SRRT: variants seen among roughly 807,000 people sequenced by gnomAD.
The protein encoded by SRRT is serrate RNA effector molecule homolog.
Under a neutral mutation model 103.2 loss-of-function variants are expected in SRRT, and 32 were observed. The ratio of observed to expected loss-of-function variants is 0.31; its 90% CI spans 0.23 to 0.42. The LOEUF is 0.42. SRRT is among the 10% of genes least tolerant of loss of function. The pLI, the probability that SRRT is intolerant of heterozygous loss-of-function variation, is 1.00. For synonymous variants in SRRT, 525 were observed against 449.0 expected (o/e 1.17, Z -2.14); for missense variants, 986 against 1,207.5 (o/e 0.82, Z 2.72).
intron 18 of SRRT, 26 bp downstream of exon 18, chr7:100,888,169 G>A (rs886687593): frequency 6.2e-7 from 1 of 1,603,288 alleles, no homozygotes; most frequent in Non-Finnish European, 8.5e-7. Context: ...AGATGAAGGG[G>A]CTTGGTGAGT....
In SRRT at chr7:100,884,985, A is replaced by G. The variant is rs1430999324; in HGVS notation, c.1104A>G (p.Ser368=). 6 of 1,614,002 alleles carry G rather than the reference A, an allele frequency of 3.7e-6. No individual in the cohort carries two copies. The highest frequency in any genetic ancestry group is 1.1e-5 in the South Asian group (1 of 91,090). The change falls in exon 9 of 20, where the codon TCA becomes TCG. Residue 368 remains serine, a synonymous_variant. Transcript: ENST00000611405. The stretch of plus-strand genomic sequence containing the variant: ...ACAGCTTTGACGAGGGCAGCGTGTC[A>G]GAGTCTGAGTCGGAGTCAGAGAGCG... ...GDDSFDEGSV[S]ESESESESGQ... is the part of the protein sequence containing the mutation.
chr7:100,876,963 C>T (rs1018001981), intron 2 of SRRT, among the ~76,000 whole-genome samples: 1 of 152,078 alleles, frequency 6.6e-6, no homozygotes, highest in Non-Finnish European at 1.5e-5. Flanking sequence ...GGTTAGAGTC[C>T]TGTTTCTCAG....
intron 2 of SRRT, among the ~76,000 whole-genome samples, chr7:100,877,186 G>A (rs1367591873): frequency 6.6e-6 from 1 of 151,484 alleles, no homozygotes; most frequent in Non-Finnish European, 1.5e-5. Flanking sequence ...ACTTTGGGAG[G>A]CCGAGACGGG....
Position 100,884,154 on chromosome 7 carries a change from C to G in SRRT, c.672C>G (p.Phe224Leu), listed in dbSNP as rs1335360205. 6.2e-7 allele frequency: 1 copy of G among 1,613,772 alleles called. No individual in the cohort carries two copies. The highest frequency in any genetic ancestry group is 1.3e-5 in the African/African-American group (1 of 74,936). Residue 224 changes from phenylalanine (F) to leucine (L), a missense_variant, in exon 6 of 20, where the codon TTC (phenylalanine) becomes TTG (leucine). Phe to Leu is a conservative substitution (Grantham distance 22). Around this residue, in one of 6 missense-constraint regions of SRRT, gnomAD observed 274 missense variants for 358.5 expected, o/e 0.76. Transcript: ENST00000611405. ...CCCTGCAAAACCGACTGAGGGTCTT[C>G]CTGTCCCTCATGGAGACTGGCTGGT... Reference protein sequence around the residue: ...RGALQNRLRVFLSLMETGWFD... With the variant: ...RGALQNRLRVLLSLMETGWFD...
Position 100,887,954 on chromosome 7 carries a change from C to T in SRRT, c.2327-88C>T, listed in dbSNP as rs1157593388. The T allele has an allele frequency of 2.6e-6, 4 of 1,538,582 alleles. No individual in the cohort carries two copies. The highest frequency in any genetic ancestry group is 3.5e-6 in the Non-Finnish European group (4 of 1,141,006). ...AACGTGTCACCCCGAGAAGTTTCTG[C>T]CCCATCCTCAGGCCATAGCCCTAGA... is the stretch of plus-strand genomic sequence containing the variant. On this transcript the variant is annotated intron_variant, in intron 17 of 19. Coordinates refer to ENST00000611405, the MANE Select transcript of SRRT (RefSeq NM_015908.6). The surrounding 1 kb of genome is among the most constrained non-coding windows in gnomAD (Gnocchi z 4.1).
In SRRT at chr7:100,885,680, C is replaced by T. The variant is rs1370910640; in HGVS notation, c.1318-21C>T. On this transcript the variant is annotated intron_variant, in intron 10 of 19. Coordinates refer to ENST00000611405, the MANE Select transcript of SRRT (RefSeq NM_015908.6). This position sits in a 1 kb window ranked among gnomAD's most constrained non-coding sequence, Gnocchi z 4.8. The stretch of plus-strand genomic sequence containing the variant: ...AATGAATCCTTGAGTCACTGTGGGG[C>T]TGCTTTTCTGCTTCTTGCAGCTTTG... 1 of 1,597,396 alleles carries T rather than the reference C, an allele frequency of 6.3e-7. No individual in the cohort carries two copies. The highest frequency in any genetic ancestry group is 1.1e-5 in the South Asian group (1 of 89,356).
At position 100,888,035 on chromosome 7, in the gene SRRT, C is replaced by T. The variant is rs374838664; in HGVS notation, c.2327-7C>T. 6.0e-5 allele frequency: 93 copies of T among 1,537,652 alleles called. No homozygotes were observed. Among genetic ancestry groups the T allele is most frequent in the Middle Eastern group, 5.6e-4 (3 of 5,322 alleles). ...CCCCGCAGTAATTCATGTCCCTGTC[C>T]GTGTTGTACTCCCCCCAGGTTTGAC... On this transcript the variant is annotated splice_polypyrimidine_tract_variant and splice_region_variant and intron_variant, in intron 17 of 19. Transcript: ENST00000611405.
At chr7:100,881,980 C>T (rs1789619616) in intron 4 of SRRT, 73 bp from the exon 5 acceptor site, 2 of 1,533,994 alleles carry the variant, frequency 1.3e-6, no homozygotes, top group Non-Finnish European at 1.8e-6. Flanking sequence ...TAAAGGGGCC[C>T]CAGCTACTTT....
At chr7:100,881,450 T>G (rs760983445) in intron 3 of SRRT, 37 bp downstream of exon 3, 1 of 1,601,888 alleles carries the variant, frequency 6.2e-7, no homozygotes, top group South Asian at 1.1e-5. Flanking sequence ...CCCCTTTGCC[T>G]CAGTTCCACC....
At position 100,882,392 on chromosome 7, in the gene SRRT, C is replaced by T. The variant is rs1006087109; in HGVS notation, c.587+151C>T. On this transcript the variant is annotated intron_variant, in intron 5 of 19. Coordinates refer to ENST00000611405, the MANE Select transcript of SRRT (RefSeq NM_015908.6). This position sits in a 1 kb window ranked among gnomAD's most constrained non-coding sequence, Gnocchi z 4.2. Reference sequence around the variant, plus strand: ...GTATGACAGCATTGGCTGATGGGGTCTCCCCCTCACTTCAGCAACTGCCAC... The same window carrying T: ...GTATGACAGCATTGGCTGATGGGGTTTCCCCCTCACTTCAGCAACTGCCAC... 1 of 813,018 alleles carries T rather than the reference C, an allele frequency of 1.2e-6. No individual in the cohort carries two copies. Among genetic ancestry groups the T allele is most frequent in the African/African-American group, 1.7e-5 (1 of 57,402 alleles). The allele number at this position is 813,018 out of a possible 1,614,324, so 50.4% of individuals were successfully genotyped here.
At position 100,881,300 on chromosome 7, in the gene SRRT, C is replaced by G. The variant is rs756719984; in HGVS notation, c.138C>G (p.Gly46=). ...DDWNDREWDR[G]RERRSRGEYR... ...TTACTGCCAGAGAGTGGGACCGTGG[C>G]CGTGAGCGCCGTAGTCGGGGTGAAT... The change falls in exon 3 of 20, where the codon GGC becomes GGG. Residue 46 remains glycine (G), a synonymous_variant. Coordinates refer to ENST00000611405, the MANE Select transcript of SRRT (RefSeq NM_015908.6). 2 of 1,611,988 alleles carry G rather than the reference C, an allele frequency of 1.2e-6. No individual in the cohort carries two copies. Among genetic ancestry groups the G allele is most frequent in the East Asian group, 4.5e-5 (2 of 44,782 alleles).
Position 100,885,796 on chromosome 7 carries a change from A to G in SRRT, c.1379+34A>G. ...CTCGGTGCGTTGGAGGGAAAAGTGCAGGGGAACGTTAATGGCCAACACCAA... is the reference window on the plus strand; with the variant it reads ...CTCGGTGCGTTGGAGGGAAAAGTGCGGGGGAACGTTAATGGCCAACACCAA... On this transcript the variant is annotated intron_variant, in intron 11 of 19. Transcript: ENST00000611405. The surrounding 1 kb of genome is among the most constrained non-coding windows in gnomAD (Gnocchi z 4.8). The G allele has an allele frequency of 6.2e-7, 1 of 1,613,788 alleles. No homozygotes were observed. Among genetic ancestry groups the G allele is most frequent in the East Asian group, 2.2e-5 (1 of 44,878 alleles).
chr7:100,875,334 G>C lies in SRRT; in HGVS notation c.-19+6G>C. On this transcript the variant is annotated splice_donor_region_variant and intron_variant, in intron 1 of 19. Coordinates refer to ENST00000611405, the MANE Select transcript of SRRT (RefSeq NM_015908.6). ...ACGGCCGCGGCCGCACCAAGGTGGG[G>C]GAGGGGAGGAGCCTGGGGGGCCCCG... 1 of 1,225,330 alleles carries C rather than the reference G, an allele frequency of 8.2e-7. No individual in the cohort carries two copies. Among genetic ancestry groups the C allele is most frequent in the Non-Finnish European group, 1.0e-6 (1 of 960,036 alleles). The allele number at this position is 1,225,330 out of a possible 1,614,324, so 75.9% of individuals were successfully genotyped here.
chr7:100,875,314 C>T lies in SRRT; in HGVS notation c.-33C>T, dbSNP rs1266067913. On this transcript the variant is annotated 5_prime_UTR_variant, in exon 1 of 20. Coordinates refer to ENST00000611405, the MANE Select transcript of SRRT (RefSeq NM_015908.6). The stretch of plus-strand genomic sequence containing the variant: ...CCCGTCCGAGCGCGAGTCCAACGGC[C>T]GCGGCCGCACCAAGGTGGGGGAGGG... 1.8e-6 allele frequency: 2 copies of T among 1,136,624 alleles called. No individual in the cohort carries two copies. The highest frequency in any genetic ancestry group is 1.6e-5 in the African/African-American group (1 of 61,986). 70.4% of individuals were successfully genotyped at this position (1,136,624 alleles called of 1,614,324 possible).
chr7:100,885,853 TC>T lies in SRRT; in HGVS notation c.1380-9del. On this transcript the variant is annotated splice_polypyrimidine_tract_variant and intron_variant, in intron 11 of 19. Transcript: ENST00000611405. This position sits in a 1 kb window ranked among gnomAD's most constrained non-coding sequence, Gnocchi z 4.8. ...CGCTTGACTATGCTAACATTTTCTTTCTTGTGTAGGTTTTTCCGTCGTGGCT... is the reference window on the plus strand; with the variant it reads ...CGCTTGACTATGCTAACATTTTCTTTTTGTGTAGGTTTTTCCGTCGTGGCT... The T allele has an allele frequency of 6.2e-7, 1 of 1,614,104 alleles. No homozygotes were observed. The highest frequency in any genetic ancestry group is 8.5e-7 in the Non-Finnish European group (1 of 1,180,018).
rs1259116856 is a variant in SRRT, at chr7:100,884,415, G to GAGC, written c.808_810dup (p.Gln270dup). The GAGC allele has an allele frequency of 6.2e-7, 1 of 1,613,414 alleles. No homozygotes were observed. The highest frequency in any genetic ancestry group is 1.3e-5 in the African/African-American group (1 of 74,878). On this transcript the variant is annotated inframe_insertion, in exon 7 of 20. Transcript: ENST00000611405. ...CACGGAGAATGATCTTCGCATCCTG[G>GAGC]AGCAGGAGGAGGAGGAGGAGCAGGC...
Position 100,885,660 on chromosome 7 carries a change from A to T in SRRT, c.1318-41A>T. 1 of 1,575,498 alleles carries T rather than the reference A, an allele frequency of 6.3e-7. No individual in the cohort carries two copies. Among genetic ancestry groups the T allele is most frequent in the Non-Finnish European group, 8.6e-7 (1 of 1,157,962 alleles). On this transcript the variant is annotated intron_variant, in intron 10 of 19. Coordinates refer to ENST00000611405, the MANE Select transcript of SRRT (RefSeq NM_015908.6). The surrounding 1 kb of genome is among the most constrained non-coding windows in gnomAD (Gnocchi z 4.8). Reference sequence around the variant, plus strand: ...GGGGATTGGAGGAAGAAGCGAATGAATCCTTGAGTCACTGTGGGGCTGCTT... The same window carrying T: ...GGGGATTGGAGGAAGAAGCGAATGATTCCTTGAGTCACTGTGGGGCTGCTT...
intron 2 of SRRT, 81 bp downstream of exon 2, chr7:100,875,793 A>G (rs1453597847): frequency 1.3e-6 from 2 of 1,559,760 alleles, no homozygotes; most frequent in African/African-American, 2.7e-5. Flanking sequence ...TCCCCCTTGT[A>G]ATTTTTATGA....
In SRRT at chr7:100,882,092, G is replaced by A. The variant is rs963632657; in HGVS notation, c.438G>A (p.Pro146=). The A allele has an allele frequency of 3.7e-6, 6 of 1,614,036 alleles. No homozygotes were observed. Among genetic ancestry groups the A allele is most frequent in the Admixed American group, 1.7e-5 (1 of 60,012 alleles). The change falls in exon 5 of 20, where the codon CCG becomes CCA. Residue 146 remains proline, a synonymous_variant. Coordinates refer to ENST00000611405, the MANE Select transcript of SRRT (RefSeq NM_015908.6). The surrounding 1 kb of genome is among the most constrained non-coding windows in gnomAD (Gnocchi z 4.2). ...SIAEIDLGVP[P]PVMKTFKEFL... is the part of the protein sequence containing the mutation. ...CAGAGATTGACCTGGGTGTGCCGCC[G>A]CCCGTGATGAAGACCTTCAAGGAGT...
Sources: gnomAD v4.1 joint callset for allele counts (sites outside exome capture counted in the v4.1 genomes callset) on GRCh38, gnomAD v4.1.1 for gene constraint, gnomAD v4.1.1 regional missense constraint, Gnocchi (gnomAD v3.1) non-coding constraint, MANE v1.5 for transcripts, NCBI Gene and HGNC (gene_info 2026-07-23, HGNC 2026-07-21) for gene names.